Variants in ANO3 observed in about 807,000 individuals in gnomAD.
ANO3 encodes anoctamin 3.
A neutral mutation model predicts 144.8 loss-of-function variants in ANO3; 99 were observed. That is an observed-to-expected ratio of 0.68 (90% CI 0.58 to 0.81). The LOEUF (loss-of-function observed/expected upper bound fraction) is 0.81. ANO3 is among the 30% of genes least tolerant of loss of function. The pLI is 0.00. For missense variants in ANO3, 905 were observed against 1,202.2 expected (o/e 0.75, Z 3.66); for synonymous variants, 414 against 392.6 (o/e 1.05, Z -0.64).
chr11:26,521,051 A>C (rs1862052551), intron 6 of ANO3, among the ~76,000 whole-genome samples: 2 of 122,126 alleles, frequency 1.6e-5, no homozygotes, highest in Admixed American at 1.7e-4. Context: ...TTAACTCCTT[A>C]GGAACTACTT....
chr11:26,377,868 T>G (rs1856458229), intron 1 of ANO3, among the ~76,000 whole-genome samples: 1 of 152,060 alleles, frequency 6.6e-6, no homozygotes, highest in Non-Finnish European at 1.5e-5. Flanking sequence ...GGTACAAATA[T>G]CTCCAAATTA....
chr11:26,194,134 G>GTATTTTGAATAAT (rs1266261430), intron 1 of ANO3, among the ~76,000 whole-genome samples: 89 of 152,272 alleles, frequency 5.8e-4, no homozygotes, highest in African/African-American at 2.0e-3. Context: ...CTAAGGAGGT[G>GTATTTTGAATAAT]AGGTCACTTA....
intron 1 of ANO3, among the ~76,000 whole-genome samples, chr11:26,220,088 T>C (rs1308832973): frequency 6.6e-6 from 1 of 152,202 alleles, no homozygotes; most frequent in Non-Finnish European, 1.5e-5. Flanking sequence ...TCAGCTAAGG[T>C]AATCTATGGT....
At chr11:26,659,985 A>G (rs796071412) in intron 26 of ANO3, among the ~76,000 whole-genome samples, 3 of 152,304 alleles carry the variant, frequency 2.0e-5, no homozygotes, top group African/African-American at 7.2e-5. Flanking sequence ...TAAAGATTTT[A>G]TAGGAGTGAA....
chr11:26,516,764 C>A, intron 5 of ANO3, 63 bp from the exon 6 acceptor site: 2 of 1,162,076 alleles, frequency 1.7e-6, no homozygotes, highest in Non-Finnish European at 2.5e-6. Context: ...CCAAATCAAA[C>A]TGTGGCATGA....
intron 13 of ANO3, among the ~76,000 whole-genome samples, chr11:26,558,391 T>G (rs1378667821): frequency 6.6e-6 from 1 of 152,082 alleles, no homozygotes; most frequent in African/African-American, 2.4e-5. Context: ...GCTGTTCAGC[T>G]GTTCAGCAGC....
In ANO3 at chr11:26,497,976, C is replaced by A. The variant is rs1203780839; in HGVS notation, c.433-10128C>A. Among the ~76,000 whole-genome samples the A allele has an allele frequency of 3.9e-5, 6 of 152,034 alleles. No individual in the cohort carries two copies. In the South Asian group the frequency reaches 1.2e-3, roughly 32 times the overall value. On this transcript the variant is annotated intron_variant, in intron 4 of 26. Coordinates refer to ENST00000256737, the MANE Select transcript of ANO3 (RefSeq NM_031418.4). ...CATTGGCAGAAGTGCAGAATAACTA[C>A]AGATTGGGTTTAAGTAGAGTTTGTG...
rs1853841673 is a variant in ANO3, at chr11:26,660,372, T to C, written c.2874T>C (p.Tyr958=). ...REKYLVQEMM[Y]EAELEHLQQQ... is the part of the protein sequence containing the mutation. ...AGTACTTAGTTCAAGAAATGATGTATGAGGCTGAACTGGAACATTTGCAAC... is the reference window on the plus strand; with the variant it reads ...AGTACTTAGTTCAAGAAATGATGTACGAGGCTGAACTGGAACATTTGCAAC... The change falls in exon 27 of 27, where the codon TAT becomes TAC. Residue 958 remains tyrosine (Y), a synonymous_variant. Coordinates refer to ENST00000256737, the MANE Select transcript of ANO3 (RefSeq NM_031418.4). 1 of 1,613,396 alleles carries C rather than the reference T, an allele frequency of 6.2e-7. No individual in the cohort carries two copies. The highest frequency in any genetic ancestry group is 8.5e-7 in the Non-Finnish European group (1 of 1,179,610).
chr11:26,526,987 C>T (rs950522771), intron 7 of ANO3, among the ~76,000 whole-genome samples: 13 of 152,044 alleles, frequency 8.6e-5, no homozygotes, highest in Admixed American at 8.5e-4. Context: ...TGTTGGATGG[C>T]TGATAAAATC....
intron 1 of ANO3, among the ~76,000 whole-genome samples, chr11:26,301,507 G>A (rs750547065): frequency 4.6e-5 from 7 of 152,146 alleles, no homozygotes; most frequent in Non-Finnish European, 8.8e-5. Context: ...AGGTTTCTTT[G>A]ATGCAGCTAC....
chr11:26,571,484 G>T (rs1850824850), intron 14 of ANO3, among the ~76,000 whole-genome samples: 1 of 152,000 alleles, frequency 6.6e-6, no homozygotes, highest in Non-Finnish European at 1.5e-5. Flanking sequence ...ATAATTATAT[G>T]TACTGTACAA....
chr11:26,451,752 C>T (rs960164921), intron 3 of ANO3, among the ~76,000 whole-genome samples: 2 of 152,304 alleles, frequency 1.3e-5, no homozygotes, highest in Non-Finnish European at 2.9e-5. Context: ...CAGCATGCAG[C>T]TGGAGATCTG....
At chr11:26,243,530 G>T (rs577902926) in intron 1 of ANO3, among the ~76,000 whole-genome samples, 13 of 152,130 alleles carry the variant, frequency 8.5e-5, no homozygotes, top group African/African-American at 3.1e-4. Context: ...TTAGATAAAA[G>T]ATTCACTTTT....
chr11:26,414,853 GT>G (rs1418706898), intron 1 of ANO3, among the ~76,000 whole-genome samples: 1 of 151,374 alleles, frequency 6.6e-6, no homozygotes, highest in African/African-American at 2.4e-5. Flanking sequence ...GATAAGAAGT[GT>G]TTTTTATCAG....
At chr11:26,407,072 G>GTATATATATATATATATATATATA (rs1453977441) in intron 1 of ANO3, among the ~76,000 whole-genome samples, 1 of 101,426 alleles carries the variant, frequency 9.9e-6, no homozygotes, top group African/African-American at 3.1e-5. Flanking sequence ...GTGTGTGTGT[G>GTATATATATATATATATATATATA]TGTGTATATA....
At chr11:26,280,369 T>C (rs1853651150) in intron 1 of ANO3, among the ~76,000 whole-genome samples, 1 of 152,108 alleles carries the variant, frequency 6.6e-6, no homozygotes, top group Non-Finnish European at 1.5e-5. Flanking sequence ...TTAAGGCATA[T>C]TGACTCACAT....
chr11:26,335,001 C>T lies in ANO3; in HGVS notation c.46+2680C>T, dbSNP rs142133629. Among the ~76,000 whole-genome samples, 578 of 152,230 alleles carry T rather than the reference C, an allele frequency of 3.8e-3. 3 individuals are homozygous for T. The highest frequency in any genetic ancestry group is 0.013 in the African/African-American group (552 of 41,536). On this transcript the variant is annotated intron_variant, in intron 1 of 26. Coordinates refer to ENST00000256737, the MANE Select transcript of ANO3 (RefSeq NM_031418.4). ...ATATGAGAACTATGTATTAACCAAT[C>T]CCCGATCAAAATTGGTTTTGATAGG...
At position 26,373,418 on chromosome 11, in the gene ANO3, G is replaced by A. The variant is rs139212215; in HGVS notation, c.46+41097G>A. ...CTGCCACCTTGTGAAGAATGTGCCTGCTTCTGTTTTGCCTTCCGCCATGAT... is the reference window on the plus strand; with the variant it reads ...CTGCCACCTTGTGAAGAATGTGCCTACTTCTGTTTTGCCTTCCGCCATGAT... On this transcript the variant is annotated intron_variant, in intron 1 of 26. Transcript: ENST00000256737. 9.9e-5 allele frequency among the ~76,000 whole-genome samples: 15 copies of A among 152,200 alleles called. No individual in the cohort carries two copies. The East Asian group carries it at 2.3e-3, about 23-fold the overall frequency.
intron 20 of ANO3, among the ~76,000 whole-genome samples, chr11:26,637,103 T>C (rs1852986299): frequency 6.6e-6 from 1 of 152,222 alleles, no homozygotes; most frequent in African/African-American, 2.4e-5. Flanking sequence ...ATTTAGAGTT[T>C]TGATAGACTG....
Sources: allele counts gnomAD v4.1 joint callset (sites outside exome capture counted in the v4.1 genomes callset), GRCh38; gene constraint gnomAD v4.1.1; transcripts MANE v1.5; gene names NCBI Gene and HGNC (gene_info 2026-07-23, HGNC 2026-07-21).